The following PPIG variants were observed in gnomAD, a reference collection of about 807,000 sequenced individuals.
PPIG encodes the protein peptidylprolyl isomerase G.
A neutral mutation model predicts 87.9 loss-of-function variants in PPIG; 26 were observed. That is an observed-to-expected ratio of 0.30 (90% confidence interval 0.22 to 0.41). The LOEUF (loss-of-function observed/expected upper bound fraction) is 0.41. Ranked by LOEUF, PPIG falls within the 10% of genes least tolerant of loss-of-function variation. The pLI, the probability that PPIG is intolerant of heterozygous loss-of-function variation, is 1.00. For synonymous variants in PPIG, 308 were observed against 276.5 expected, an observed-to-expected ratio of 1.11 and a Z score of -1.13; for missense variants, 722 against 879.4, an observed-to-expected ratio of 0.82 and a Z score of 2.26.
chr2:169,603,485 TA>T (rs1685239210), intron 1 of PPIG, among the ~76,000 whole-genome samples, 156 bp from the exon 2 acceptor site: 1 of 10,818 alleles, frequency 9.2e-5, no homozygotes, highest in Non-Finnish European at 1.8e-4. Flanking sequence ...ATCTACCACA[TA>T]TACTATTTAA....
At chr2:169,618,387 T>C (rs899775200) in intron 9 of PPIG, among the ~76,000 whole-genome samples, 4 of 151,906 alleles carry the variant, frequency 2.6e-5, no homozygotes, top group African/African-American at 7.3e-5. Flanking sequence ...TAGGGAGGAG[T>C]CCCCCTTTTT....
chr2:169,585,298 G>C (rs1684671243), intron 1 of PPIG, among the ~76,000 whole-genome samples: 1 of 125,458 alleles, frequency 8.0e-6, no homozygotes, highest in Non-Finnish European at 1.7e-5. Context: ...GTCTCGCTCT[G>C]TCGCCTAGGC....
In PPIG at chr2:169,638,467, A is replaced by G. The variant is rs758028620; in HGVS notation, c.*944A>G. The G allele has an allele frequency of 6.6e-6, 1 of 151,930 alleles. No individual in the cohort carries two copies. Among genetic ancestry groups the G allele is most frequent in the Non-Finnish European group, 1.5e-5 (1 of 67,890 alleles). 9.4% of individuals were successfully genotyped at this position (151,930 alleles called of 1,614,324 possible). A position where few individuals can be genotyped will look rare whatever the true frequency, so the allele number is the denominator to read the frequency against. ...ATTTCTCTTTTTTGGCCTCCAACCT[A>G]TATAGAATTGAGTGTTAACTCTGCA... On this transcript the variant is annotated 3_prime_UTR_variant, in exon 14 of 14. Transcript: ENST00000260970.
chr2:169,598,539 A>G (rs1027962854), intron 1 of PPIG, among the ~76,000 whole-genome samples: 2 of 151,900 alleles, frequency 1.3e-5, no homozygotes, highest in Non-Finnish European at 2.9e-5. Context: ...GATCCACCCA[A>G]AGCGGCCTCC....
chr2:169,615,436 G>A (rs373112018), intron 9 of PPIG, among the ~76,000 whole-genome samples: 2 of 152,336 alleles, frequency 1.3e-5, no homozygotes, highest in African/African-American at 4.8e-5. Flanking sequence ...TGAGCTAACT[G>A]AAATTTTATA....
At chr2:169,620,016 C>A (rs370585196) in intron 9 of PPIG, among the ~76,000 whole-genome samples, 1 of 152,036 alleles carries the variant, frequency 6.6e-6, no homozygotes, top group Non-Finnish European at 1.5e-5. Flanking sequence ...ATATTTTCTC[C>A]CATTCCAGAG....
In PPIG at chr2:169,633,707, TC is replaced by T. The variant is rs556307847; in HGVS notation, c.1017+462del. ...TATTCCTCAAGCATTTTAGTTGTCT[TC>T]CACTACCGTTGTTCTGCTGAAAACA... On this transcript the variant is annotated intron_variant, in intron 12 of 13. Transcript: ENST00000260970. 1.6e-4 allele frequency: 28 copies of T among 172,516 alleles called. No individual in the cohort carries two copies. In the South Asian group the frequency reaches 2.9e-3, roughly 18 times the overall value. 10.7% of individuals were successfully genotyped at this position (172,516 alleles called of 1,614,324 possible).
Position 169,637,159 on chromosome 2 carries a change from A to G in PPIG, c.1901A>G (p.Glu634Gly), listed in dbSNP as rs1024373485. The G allele has an allele frequency of 1.2e-6, 2 of 1,612,742 alleles. No homozygotes were observed. Among genetic ancestry groups the G allele is most frequent in the Non-Finnish European group, 8.5e-7 (1 of 1,179,652 alleles). Reference protein sequence around the residue: ...RRRDSRSSEREESQSRNKDKY... With the variant: ...RRRDSRSSERGESQSRNKDKY... ...AGAGACTCACGGAGCTCAGAGAGAG[A>G]AGAAAGTCAAAGCAGAAACAAAGAC... Residue 634 changes from glutamate to glycine, a missense_variant, in exon 14 of 14, where the codon GAA becomes GGA. Glu to Gly is a moderately conservative substitution (Grantham distance 98). This residue lies in a region of PPIG where 476 missense variants were observed against 483.1 expected (regional missense o/e 0.99). Transcript: ENST00000260970.
intron 1 of PPIG, among the ~76,000 whole-genome samples, chr2:169,591,574 GA>G (rs1275422347): frequency 6.6e-6 from 1 of 152,040 alleles, no homozygotes; most frequent in East Asian, 1.9e-4. Flanking sequence ...TCATTATGAT[GA>G]AAAAAGTAGA....
In PPIG at chr2:169,607,096, AT is replaced by A; in HGVS notation, c.245-3del. 1.3e-6 allele frequency: 2 copies of A among 1,560,882 alleles called. No homozygotes were observed. Among genetic ancestry groups the A allele is most frequent in the Non-Finnish European group, 1.8e-6 (2 of 1,136,960 alleles). On this transcript the variant is annotated splice_region_variant and splice_polypyrimidine_tract_variant and intron_variant, in intron 5 of 13. Coordinates refer to ENST00000260970, the MANE Select transcript of PPIG (RefSeq NM_004792.3). ...TGAGAGTTATAAGAGTATGTTTTTC[AT>A]TTTTAGGAAATGGACGAGGAGGGGA...
intron 1 of PPIG, among the ~76,000 whole-genome samples, chr2:169,600,078 AT>A (rs57602241): frequency 0.39 from 56,023 of 142,098 alleles, 10,843 homozygotes; most frequent in East Asian, 0.57. Context: ...GGAAAAAAAA[AT>A]TTTTTTTTTT....
chr2:169,629,462 A>C (rs1418779761), intron 9 of PPIG, among the ~76,000 whole-genome samples: 1 of 152,220 alleles, frequency 6.6e-6, no homozygotes, highest in African/African-American at 2.4e-5. Context: ...AAGTTCAGAC[A>C]TTGAAATTGG....
At chr2:169,585,772 A>G (rs779424648) in intron 1 of PPIG, among the ~76,000 whole-genome samples, 4 of 152,192 alleles carry the variant, frequency 2.6e-5, no homozygotes, top group African/African-American at 9.6e-5. Flanking sequence ...TTGTCCAAAG[A>G]ACAATTAGAT....
intron 4 of PPIG, among the ~76,000 whole-genome samples, chr2:169,604,940 G>C (rs1284298382): frequency 1.3e-5 from 2 of 151,836 alleles, no homozygotes; most frequent in African/African-American, 4.8e-5. Flanking sequence ...GCTCACACCT[G>C]TAATCCCAGC....
At chr2:169,625,743 G>T (rs890557004) in intron 9 of PPIG, among the ~76,000 whole-genome samples, 6 of 150,574 alleles carry the variant, frequency 4.0e-5, no homozygotes, top group Non-Finnish European at 8.9e-5. Context: ...TTTTTTTAAG[G>T]TTAGGTCTAC....
rs1686267693 is a variant in PPIG at position 169,639,643 on chromosome 2, C to A, written c.*2120C>A. On this transcript the variant is annotated 3_prime_UTR_variant, in exon 14 of 14. Transcript: ENST00000260970. ...AGTCCTTATTTTAAAGTTTTATTAG[C>A]TCTCTTTACAGAACAGATGTGAAGG... 2 of 152,126 alleles carry A rather than the reference C, an allele frequency of 1.3e-5. No homozygotes were observed. The highest frequency in any genetic ancestry group is 1.3e-4 in the Admixed American group (2 of 15,264). 9.4% of individuals were successfully genotyped at this position (152,126 alleles called of 1,614,324 possible).
chr2:169,618,068 G>A (rs1344015606), intron 9 of PPIG, among the ~76,000 whole-genome samples: 1 of 152,180 alleles, frequency 6.6e-6, no homozygotes. Context: ...ATGAAGAGCT[G>A]TTGAATTTTA....
chr2:169,611,495 A>G (rs536062129), intron 7 of PPIG, among the ~76,000 whole-genome samples: 12 of 152,298 alleles, frequency 7.9e-5, no homozygotes, highest in African/African-American at 2.4e-4. Flanking sequence ...AACTGCTCCA[A>G]TGAACATTGT....
intron 7 of PPIG, among the ~76,000 whole-genome samples, chr2:169,611,933 T>G (rs1574451226): frequency 1.3e-5 from 2 of 152,318 alleles, no homozygotes; most frequent in East Asian, 3.9e-4. Context: ...ATTTGCCATT[T>G]TAACCATTTG....
Sources: gnomAD v4.1 joint callset for allele counts (sites outside exome capture counted in the v4.1 genomes callset) on GRCh38, gnomAD v4.1.1 for gene constraint, gnomAD v4.1.1 regional missense constraint, MANE v1.5 for transcripts, NCBI Gene and HGNC (gene_info 2026-07-23, HGNC 2026-07-21) for gene names.